The following R3HDM2 variants were observed in gnomAD, a reference collection of about 807,000 sequenced individuals.
R3HDM2 encodes the protein R3H domain-containing protein 2.
In R3HDM2, 38 loss-of-function variants were observed where a neutral mutation model predicts 124.5. That is an observed-to-expected ratio of 0.31 (90% CI 0.24 to 0.40). R3HDM2 has a LOEUF of 0.40. R3HDM2 is among the 10% of genes least tolerant of loss of function. The pLI is 1.00. For synonymous variants in R3HDM2, 391 were observed against 448.0 expected (o/e 0.87, Z 1.61); for missense variants, 869 against 1,236.9 (o/e 0.70, Z 4.46).
At chr12:57,358,145 AT>A (rs57878663) in intron 2 of R3HDM2, among the ~76,000 whole-genome samples, 145,177 of 146,304 alleles carry the variant, frequency 0.99, 72,033 homozygotes, top group Middle Eastern at 1. Context: ...CGCCCAGCTA[AT>A]TTTTTTTTTT....
intron 2 of R3HDM2, among the ~76,000 whole-genome samples, chr12:57,350,707 C>T (rs967363111): frequency 1.3e-5 from 2 of 152,232 alleles, no homozygotes; most frequent in African/African-American, 2.4e-5. Context: ...GTAATCTCGA[C>T]ACTTTGGGAG....
At chr12:57,264,979 A>G (rs1182019917) in intron 19 of R3HDM2, among the ~76,000 whole-genome samples, 1 of 152,138 alleles carries the variant, frequency 6.6e-6, no homozygotes, top group Admixed American at 6.5e-5. Flanking sequence ...ATTTGAGGGT[A>G]GGGTGAAAGG....
At position 57,310,365 on chromosome 12, in the gene R3HDM2, C is replaced by T; in HGVS notation, c.64G>A (p.Val22Met). The T allele has an allele frequency of 6.5e-7, 1 of 1,548,600 alleles. No individual in the cohort carries two copies. Among genetic ancestry groups the T allele is most frequent in the East Asian group, 2.4e-5 (1 of 40,864 alleles). ...TTGTTTTTGTTTACAGATTCTTCCA[C>T]CAGTTTTTTTTCTGATTCTTTCATT... ...EIMKESEKKL[V>M]EESVNKNKFI... Residue 22 changes from valine to methionine, a missense_variant, in exon 3 of 24, where the codon GTG becomes ATG. Val to Met is a conservative substitution (Grantham distance 21). Around this residue, in one of 2 missense-constraint regions of R3HDM2, gnomAD observed 267 missense variants for 447.7 expected, o/e 0.60. Transcript: ENST00000402412.
intron 11 of R3HDM2, among the ~76,000 whole-genome samples, chr12:57,289,528 C>T (rs2048155640): frequency 6.6e-6 from 1 of 152,098 alleles, no homozygotes; most frequent in Non-Finnish European, 1.5e-5. Context: ...GACCTGAGAC[C>T]CAAGGAGGGT....
intron 2 of R3HDM2, among the ~76,000 whole-genome samples, chr12:57,382,076 C>T (rs1053415717): frequency 1.6e-4 from 24 of 151,928 alleles, no homozygotes; most frequent in African/African-American, 5.6e-4. Flanking sequence ...CCAACTCAAC[C>T]TCCCAAAGTG....
rs770780915 is a variant in R3HDM2 at position 57,257,972 on chromosome 12, A to T, written c.2449+18T>A. The T allele has an allele frequency of 1.8e-5, 26 of 1,484,882 alleles. 1 individual carries two copies. In the South Asian group the frequency reaches 3.7e-4, roughly 21 times the overall value. The allele number at this position is 1,484,882 out of a possible 1,614,324, so 92.0% of individuals were successfully genotyped here. A position where few individuals can be genotyped will look rare whatever the true frequency, so the allele number is the denominator to read the frequency against. On this transcript the variant is annotated intron_variant, in intron 21 of 23. Coordinates refer to ENST00000402412, the MANE Select transcript of R3HDM2 (RefSeq NM_001394031.1). Reference sequence around the variant, plus strand: ...AAAGGTGAATTCCATAGCAGCCAGCACTAATCTAACCCCCTACCCTGTGCT... The same window carrying T: ...AAAGGTGAATTCCATAGCAGCCAGCTCTAATCTAACCCCCTACCCTGTGCT...
At position 57,254,866 on chromosome 12, in the gene R3HDM2, G is replaced by C; in HGVS notation, c.2880C>G (p.Ser960=). Residue 960 remains serine, a synonymous_variant, in exon 24 of 24, where the codon TCC becomes TCG. Coordinates refer to ENST00000402412, the MANE Select transcript of R3HDM2 (RefSeq NM_001394031.1). ...GACTCACGGAGTTGTTGAGACGAAG[G>C]GAGGCATTTTGGGCAGCCAGGGGGC... is the stretch of plus-strand genomic sequence containing the variant. ...FPSPLAAQNA[S]LRLNNSVSRF... is the part of the protein sequence containing the mutation. 1 of 1,613,964 alleles carries C rather than the reference G, an allele frequency of 6.2e-7. No homozygotes were observed. Among genetic ancestry groups the C allele is most frequent in the Non-Finnish European group, 8.5e-7 (1 of 1,179,878 alleles).
intron 2 of R3HDM2, among the ~76,000 whole-genome samples, chr12:57,371,084 T>C (rs1448242237): frequency 1.7e-4 from 3 of 17,972 alleles, no homozygotes; most frequent in African/African-American, 6.3e-4. Flanking sequence ...ATACCATTAC[T>C]TTTTTTTTTT....
intron 14 of R3HDM2, among the ~76,000 whole-genome samples, chr12:57,276,274 G>T (rs552581117): frequency 6.6e-6 from 1 of 151,362 alleles, no homozygotes; most frequent in Non-Finnish European, 1.5e-5. Flanking sequence ...CCACAACTGG[G>T]TATCTACCCA....
intron 2 of R3HDM2, among the ~76,000 whole-genome samples, chr12:57,353,954 A>C (rs1403813670): frequency 6.6e-6 from 1 of 152,012 alleles, no homozygotes; most frequent in Non-Finnish European, 1.5e-5. Flanking sequence ...CTCTGGGTTC[A>C]AGCAATTTTC....
At chr12:57,394,814 A>G (rs1223880982) in intron 2 of R3HDM2, among the ~76,000 whole-genome samples, 1 of 152,192 alleles carries the variant, frequency 6.6e-6, no homozygotes, top group Non-Finnish European at 1.5e-5. Flanking sequence ...TATCTATATT[A>G]ATCACCTCTT....
At chr12:57,373,888 G>A (rs937389964) in intron 2 of R3HDM2, among the ~76,000 whole-genome samples, 1 of 151,802 alleles carries the variant, frequency 6.6e-6, no homozygotes, top group Non-Finnish European at 1.5e-5. Flanking sequence ...AGCACTTTGG[G>A]AGGCCGAGGT....
chr12:57,322,457 A>C (rs975048479), intron 2 of R3HDM2, among the ~76,000 whole-genome samples: 1 of 152,070 alleles, frequency 6.6e-6, no homozygotes, highest in Non-Finnish European at 1.5e-5. Flanking sequence ...GAAAAGGTAC[A>C]TGATTTACTG....
intron 2 of R3HDM2, among the ~76,000 whole-genome samples, chr12:57,362,736 G>T (rs1272615108): frequency 6.6e-6 from 1 of 152,022 alleles, no homozygotes; most frequent in African/African-American, 2.4e-5. Context: ...TTTTTGTTTT[G>T]AACAATTATC....
rs542509665 is a variant in R3HDM2, at chr12:57,377,981, G to A, written c.-36+17768C>T. Among the ~76,000 whole-genome samples the A allele has an allele frequency of 4.6e-5, 7 of 152,102 alleles. No homozygotes were observed. The South Asian group carries it at 6.2e-4, about 14-fold the overall frequency. ...TGCATGCCTGTAATCCCAGCTACGC[G>A]GGAGGCTGAAGGGAGGCTGAAGCAA... On this transcript the variant is annotated intron_variant, in intron 2 of 23. Coordinates refer to ENST00000402412, the MANE Select transcript of R3HDM2 (RefSeq NM_001394031.1).
chr12:57,366,743 G>A (rs533690333), intron 2 of R3HDM2, among the ~76,000 whole-genome samples: 2 of 152,104 alleles, frequency 1.3e-5, no homozygotes, highest in Non-Finnish European at 2.9e-5. Context: ...AGGCTGGAGT[G>A]CAGTGGCGCG....
intron 1 of R3HDM2, among the ~76,000 whole-genome samples, chr12:57,396,349 G>A (rs1166076464): frequency 2.0e-5 from 3 of 152,052 alleles, no homozygotes; most frequent in Admixed American, 6.6e-5. Context: ...GCTGAGGCAG[G>A]AGAATCACTT....
chr12:57,331,176 C>A (rs1203135635), intron 2 of R3HDM2, among the ~76,000 whole-genome samples: 1 of 152,134 alleles, frequency 6.6e-6, no homozygotes, highest in African/African-American at 2.4e-5. Flanking sequence ...TCCACTTTCA[C>A]CCCTACCATA....
chr12:57,386,597 C>G (rs1411131148), intron 2 of R3HDM2, among the ~76,000 whole-genome samples: 1 of 152,194 alleles, frequency 6.6e-6, no homozygotes, highest in Non-Finnish European at 1.5e-5. Context: ...TGACGAGCGC[C>G]GCCCCCTGCT....
Sources: gnomAD v4.1 joint callset for allele counts (sites outside exome capture counted in the v4.1 genomes callset) on GRCh38, gnomAD v4.1.1 for gene constraint, gnomAD v4.1.1 regional missense constraint, MANE v1.5 for transcripts, NCBI Gene and HGNC (gene_info 2026-07-23, HGNC 2026-07-21) for gene names.